HMGA2: variants seen among roughly 807,000 people sequenced by gnomAD.
HMGA2 encodes high mobility group protein HMGI-C.
HMGA2 carries 8 observed loss-of-function variants against 19.1 expected under a neutral mutation model. The ratio of observed to expected loss-of-function variants is 0.42; its 90% CI spans 0.25 to 0.76. The LOEUF is 0.76. HMGA2 is among the 30% of genes least tolerant of loss of function. HMGA2 has a pLI of 0.28. For synonymous variants in HMGA2, 60 were observed against 48.8 expected (o/e 1.23, Z -0.96); for missense variants, 109 against 136.3 (o/e 0.80, Z 1.00).
rs544279697 is a variant in HMGA2, at chr12:65,905,558, G to T, written c.250-45825G>T. Among the ~76,000 whole-genome samples the T allele has an allele frequency of 3.3e-5, 5 of 152,290 alleles. No homozygotes were observed. In the South Asian group the frequency reaches 1.0e-3, roughly 32 times the overall value. Reference sequence around the variant, plus strand: ...TACCTCATGTCCAAACCTGTGTGTGGACACTAACTCCACAGCACAGACATG... The same window carrying T: ...TACCTCATGTCCAAACCTGTGTGTGTACACTAACTCCACAGCACAGACATG... On this transcript the variant is annotated intron_variant, in intron 3 of 4. Transcript: ENST00000403681.
At chr12:65,859,508 A>C (rs1871933873) in intron 3 of HMGA2, 3 of 152,244 alleles carry the variant, frequency 2.0e-5, no homozygotes, top group Non-Finnish European at 4.4e-5. Context: ...CAATATGGAA[A>C]TAACTAAGAG....
chr12:65,895,413 G>C lies in HMGA2; in HGVS notation c.250-55970G>C, dbSNP rs895595740. ...AAATGCCTTCCTTATGATTACCTGA[G>C]GCTTTAGGTTTTTAAAAGCCTTTGT... is the stretch of plus-strand genomic sequence containing the variant. On this transcript the variant is annotated intron_variant, in intron 3 of 4. Transcript: ENST00000403681. Among the ~76,000 whole-genome samples, 6 of 152,030 alleles carry C rather than the reference G, an allele frequency of 3.9e-5. No individual in the cohort carries two copies. The East Asian group carries it at 1.2e-3, about 29-fold the overall frequency.
At chr12:65,933,246 G>T (rs776250165) in intron 3 of HMGA2, among the ~76,000 whole-genome samples, 1 of 152,096 alleles carries the variant, frequency 6.6e-6, no homozygotes, top group South Asian at 2.1e-4. Flanking sequence ...GTAACCTGGG[G>T]ACGATTCCGT....
rs780726273 is a variant in HMGA2 at position 65,915,121 on chromosome 12, G to A, written c.250-36262G>A. On this transcript the variant is annotated intron_variant, in intron 3 of 4. Transcript: ENST00000403681. The stretch of plus-strand genomic sequence containing the variant: ...CATCTCTGGGAAACAGTACCAAAAG[G>A]AGTCACTGAATTGTCATTGGAGGAG... The A allele has an allele frequency of 3.1e-6, 5 of 1,613,588 alleles. No individual in the cohort carries two copies. In the South Asian group the frequency reaches 5.5e-5, roughly 18 times the overall value.
rs997008394 is a variant in HMGA2 at position 65,873,400 on chromosome 12, T to C, written c.249+34831T>C. 2.2e-4 allele frequency among the ~76,000 whole-genome samples: 33 copies of C among 152,164 alleles called. 2 individuals carry two copies. The highest frequency in any genetic ancestry group is 1.5e-5 in the Non-Finnish European group (1 of 68,032). ...GGCTTATTTCCTTTTCTCAATATTT[T>C]TTTCGTACTGAATCTAGGCTAAGTG... On this transcript the variant is annotated intron_variant, in intron 3 of 4. Transcript: ENST00000403681.
chr12:65,925,529 G>A (rs1184400933), intron 3 of HMGA2, among the ~76,000 whole-genome samples: 1 of 152,138 alleles, frequency 6.6e-6, no homozygotes, highest in Non-Finnish European at 1.5e-5. Flanking sequence ...TCTGCTTACA[G>A]CCTATATTTT....
Position 65,838,870 on chromosome 12 carries a change from GTAAC to G in HMGA2, c.249+305_249+308del, listed in dbSNP as rs919730560. ...TGAGATGATTTGTTCAGTAGATTGA[GTAAC>G]TAAAGTTAAAGGGTATTATGAAGCC... On this transcript the variant is annotated intron_variant, in intron 3 of 4. Coordinates refer to ENST00000403681, the MANE Select transcript of HMGA2 (RefSeq NM_003483.6). Among the ~76,000 whole-genome samples, 73 of 152,166 alleles carry G rather than the reference GTAAC, an allele frequency of 4.8e-4. 1 individual carries two copies. Among genetic ancestry groups the G allele is most frequent in the African/African-American group, 1.7e-3 (69 of 41,518 alleles).
chr12:65,928,083 T>C (rs1875577415), intron 3 of HMGA2, among the ~76,000 whole-genome samples: 1 of 151,910 alleles, frequency 6.6e-6, no homozygotes, highest in Admixed American at 6.6e-5. Context: ...ATTTCATTGT[T>C]GTGTTAGCAT....
Position 65,836,156 on chromosome 12 carries a change from G to C in HMGA2, c.199-2363G>C, listed in dbSNP as rs79435719. On this transcript the variant is annotated intron_variant, in intron 2 of 4. Coordinates refer to ENST00000403681, the MANE Select transcript of HMGA2 (RefSeq NM_003483.6). ...GGGCGGATTACGAGGTCAGGAGATCGAGACCATCCTGGCTAACATGGTGAA... is the reference window on the plus strand; with the variant it reads ...GGGCGGATTACGAGGTCAGGAGATCCAGACCATCCTGGCTAACATGGTGAA... Among the ~76,000 whole-genome samples, 86 of 152,114 alleles carry C rather than the reference G, an allele frequency of 5.7e-4. No individual in the cohort carries two copies. In the East Asian group the frequency reaches 0.015, roughly 26 times the overall value.
intron 3 of HMGA2, among the ~76,000 whole-genome samples, chr12:65,935,697 T>A (rs1004787180): frequency 6.6e-6 from 1 of 152,232 alleles, no homozygotes; most frequent in Admixed American, 6.5e-5. Flanking sequence ...TTTTGTAACT[T>A]GCTGAGAGTT....
rs532312759 is a variant in HMGA2, at chr12:65,851,777, C to T, written c.249+13208C>T. On this transcript the variant is annotated intron_variant, in intron 3 of 4. Coordinates refer to ENST00000403681, the MANE Select transcript of HMGA2 (RefSeq NM_003483.6). ...TTCTCACTATGTCCTGTTTTTCTAA[C>T]CCACTAATCACGGTTCTGAATGAGA... The T allele has an allele frequency of 1.1e-4, 32 of 298,384 alleles. 1 individual carries two copies. The highest frequency in any genetic ancestry group is 7.2e-4 in the African/African-American group (32 of 44,600). 18.5% of individuals were successfully genotyped at this position (298,384 alleles called of 1,614,324 possible).
Position 65,952,427 on chromosome 12 carries a change from T to C in HMGA2, c.282+1012T>C, listed in dbSNP as rs74097833. 683 of 1,534,460 alleles carry C rather than the reference T, an allele frequency of 4.5e-4. 5 individuals are homozygous for C. In the African/African-American group the frequency reaches 7.9e-3, roughly 18 times the overall value. On this transcript the variant is annotated intron_variant, in intron 4 of 4. Coordinates refer to ENST00000403681, the MANE Select transcript of HMGA2 (RefSeq NM_003483.6). ...ATCTACTGTTCTCTAAAAATGCCAC[T>C]TAGAAGAGAATTGAAACTTCCAAAC... is the stretch of plus-strand genomic sequence containing the variant.
At chr12:65,908,196 T>G (rs144349026) in intron 3 of HMGA2, among the ~76,000 whole-genome samples, 18 of 152,298 alleles carry the variant, frequency 1.2e-4, no homozygotes, top group African/African-American at 4.3e-4. Context: ...CACTTTACTT[T>G]ACTTGTACCT....
intron 3 of HMGA2, among the ~76,000 whole-genome samples, chr12:65,872,973 A>G (rs950173807): frequency 9.2e-5 from 14 of 152,310 alleles, no homozygotes; most frequent in African/African-American, 3.4e-4. Context: ...GGTCTTTCAC[A>G]TCTGTGCTCT....
At chr12:65,889,945 A>C (rs755833251) in intron 3 of HMGA2, among the ~76,000 whole-genome samples, 9 of 152,190 alleles carry the variant, frequency 5.9e-5, no homozygotes, top group Non-Finnish European at 1.2e-4. Flanking sequence ...CTTCTGTCTT[A>C]TTCCCTAAAG....
At chr12:65,891,345 A>T (rs915770226) in intron 3 of HMGA2, among the ~76,000 whole-genome samples, 4 of 152,220 alleles carry the variant, frequency 2.6e-5, no homozygotes, top group African/African-American at 9.6e-5. Context: ...GGAAATGCAG[A>T]TGTAAGTAGG....
rs571879308 is a variant in HMGA2, at chr12:65,879,326, G to T, written c.249+40757G>T. 5.5e-4 allele frequency among the ~76,000 whole-genome samples: 83 copies of T among 150,126 alleles called. 1 individual carries two copies. The South Asian group carries it at 0.017, about 31-fold the overall frequency. On this transcript the variant is annotated intron_variant, in intron 3 of 4. Transcript: ENST00000403681. ...TTTTTTTTGGTAGTGATGGGGCTTC[G>T]CCATGTTGCCCAGGCTGGTCTCGAA... is the stretch of plus-strand genomic sequence containing the variant.
intron 3 of HMGA2, among the ~76,000 whole-genome samples, chr12:65,904,575 T>A (rs1874506747): frequency 6.6e-6 from 1 of 152,224 alleles, no homozygotes; most frequent in African/African-American, 2.4e-5. Flanking sequence ...GGTTCTGATA[T>A]GCACAACTGG....
At chr12:65,865,754 C>T (rs1406921159) in intron 3 of HMGA2, among the ~76,000 whole-genome samples, 1 of 151,534 alleles carries the variant, frequency 6.6e-6, no homozygotes, top group Admixed American at 6.6e-5. Flanking sequence ...CCTGCCTCAG[C>T]CTCCCGAGTA....
Sources: gnomAD v4.1 joint callset for allele counts (sites outside exome capture counted in the v4.1 genomes callset) on GRCh38, gnomAD v4.1.1 for gene constraint, MANE v1.5 for transcripts, NCBI Gene and HGNC (gene_info 2026-07-23, HGNC 2026-07-21) for gene names.